Variants in FAM53A observed in about 807,000 individuals in gnomAD.
FAM53A encodes family with sequence similarity 53 member A, also known as protein FAM53A.
FAM53A carries 28 observed loss-of-function variants against 26.6 expected under a neutral mutation model. The ratio of observed to expected loss-of-function variants is 1.05; its 90% confidence interval spans 0.78 to 1.45. FAM53A has a LOEUF of 1.45. Ranked by LOEUF, FAM53A falls within the 40% of genes most tolerant of loss-of-function variation. The pLI, the probability that FAM53A is intolerant of heterozygous loss-of-function variation, is 0.00. For missense variants in FAM53A, 650 were observed against 575.8 expected (o/e 1.13, Z -1.32); for synonymous variants, 290 against 253.1 (o/e 1.15, Z -1.38).
chr4:1,599,318 G>A, the FAM53A span, among the ~76,000 whole-genome samples: 4 of 152,076 alleles, frequency 2.6e-5, no homozygotes, highest in East Asian at 1.9e-4. The surrounding 1 kb of genome is among the most constrained non-coding windows in gnomAD (Gnocchi z 6.1). Context: ...CAACAACTCC[G>A]CCCGGTACTT....
chr4:1,610,772 C>A, the FAM53A span, among the ~76,000 whole-genome samples: 5 of 152,110 alleles, frequency 3.3e-5, no homozygotes, highest in Non-Finnish European at 5.9e-5. Flanking sequence ...CACTGCACAG[C>A]CCCATGACAG....
chr4:1,620,121 C>T (rs1474509978), intron 1 of FAM53A, among the ~76,000 whole-genome samples: 6 of 151,428 alleles, frequency 4.0e-5, no homozygotes, highest in Non-Finnish European at 2.9e-5. Flanking sequence ...GCAGGAGAAT[C>T]GCTTAAACCT....
At chr4:1,625,109 G>A (rs1323646156) in intron 1 of FAM53A, among the ~76,000 whole-genome samples, 2 of 88,140 alleles carry the variant, frequency 2.3e-5, no homozygotes, top group African/African-American at 6.7e-5. Context: ...AAGCCCCCAC[G>A]TCCCGACCCA....
downstream of FAM53A, chr4:1,617,782 G>C: frequency 3.5e-6 from 1 of 289,654 alleles, no homozygotes; most frequent in South Asian, 3.0e-5. Context: ...CTTCTCACTG[G>C]GTATAGCATT....
intron 4 of FAM53A, among the ~76,000 whole-genome samples, chr4:1,646,446 G>A (rs908082781): frequency 4.6e-5 from 7 of 152,254 alleles, no homozygotes; most frequent in South Asian, 2.1e-4. Flanking sequence ...TGACGTCGTC[G>A]GGGGTATTTT....
At chr4:1,622,712 C>G (rs1175254920) in intron 1 of FAM53A, among the ~76,000 whole-genome samples, 1 of 152,198 alleles carries the variant, frequency 6.6e-6, no homozygotes, top group Non-Finnish European at 1.5e-5. Context: ...GGCTGTTTGG[C>G]TGGGCCCAGG....
chr4:1,624,990 C>T (rs1715219347), intron 1 of FAM53A, among the ~76,000 whole-genome samples: 1 of 137,472 alleles, frequency 7.3e-6, no homozygotes, highest in Non-Finnish European at 1.5e-5. Flanking sequence ...GGGGTCACAC[C>T]AGGTGATCAG....
intron 1 of FAM53A, among the ~76,000 whole-genome samples, chr4:1,634,750 A>T (rs1026830719): frequency 6.6e-6 from 1 of 151,684 alleles, no homozygotes; most frequent in Non-Finnish European, 1.5e-5. Flanking sequence ...ACACAAAAAA[A>T]TTAGCCAGGC....
chr4:1,661,394 C>A (rs537091224), intron 2 of FAM53A, among the ~76,000 whole-genome samples: 2 of 152,346 alleles, frequency 1.3e-5, no homozygotes, highest in East Asian at 1.9e-4. Flanking sequence ...CGCGACTCCT[C>A]AGTCACCTGC....
intron 4 of FAM53A, chr4:1,644,073 G>A (rs1712007410): frequency 1.4e-6 from 2 of 1,383,102 alleles, no homozygotes; most frequent in South Asian, 1.4e-5. Context: ...TCGGTCTGGT[G>A]TCACCCGTGA....
downstream of FAM53A, among the ~76,000 whole-genome samples, chr4:1,638,336 C>T (rs1398898937): frequency 1.3e-5 from 2 of 152,120 alleles, no homozygotes; most frequent in African/African-American, 4.8e-5. Flanking sequence ...CCCAAGGGTG[C>T]CCTGAACCTT....
chr4:1,642,719 C>A (rs545955235), intron 4 of FAM53A, among the ~76,000 whole-genome samples: 1 of 151,908 alleles, frequency 6.6e-6, no homozygotes. Context: ...CTGTGGTGCC[C>A]AGCGCCGTCC....
intron 3 of FAM53A, among the ~76,000 whole-genome samples, chr4:1,656,870 C>A (rs1447053300): frequency 6.6e-6 from 1 of 152,130 alleles, no homozygotes; most frequent in Non-Finnish European, 1.5e-5. Flanking sequence ...GCCCCTGGGA[C>A]CTTCGCTGGG....
chr4:1,619,250 C>G (rs938803426), intron 1 of FAM53A, among the ~76,000 whole-genome samples: 1 of 152,250 alleles, frequency 6.6e-6, no homozygotes, highest in African/African-American at 2.4e-5. Flanking sequence ...CACCTTGTGG[C>G]GAGCGGCCCC....
intron 3 of FAM53A, 67 bp from the exon 4 acceptor site, chr4:1,655,790 C>G: frequency 6.9e-7 from 1 of 1,444,288 alleles, no homozygotes; most frequent in Non-Finnish European, 9.1e-7. Flanking sequence ...GACATCCATC[C>G]CGGCAAACAG....
chr4:1,621,355 C>T (rs367679897), intron 1 of FAM53A, among the ~76,000 whole-genome samples: 7 of 152,276 alleles, frequency 4.6e-5, no homozygotes, highest in Non-Finnish European at 7.3e-5. Context: ...CCACCCGCCT[C>T]GGCCTCCCAA....
chr4:1,620,699 A>ACACCAC (rs60242901), intron 1 of FAM53A, among the ~76,000 whole-genome samples: 29 of 150,598 alleles, frequency 1.9e-4, no homozygotes, highest in South Asian at 1.5e-3. Flanking sequence ...GAAAGAAAAA[A>ACACCAC]CACCACCACC....
At chr4:1,650,891 C>T (rs13106747) in intron 4 of FAM53A, among the ~76,000 whole-genome samples, 1 of 151,754 alleles carries the variant, frequency 6.6e-6, no homozygotes. Context: ...GCTCACGCAT[C>T]TTCATTGCAG....
chr4:1,582,309 A>G, the FAM53A span, among the ~76,000 whole-genome samples: 1 of 152,346 alleles, frequency 6.6e-6, no homozygotes, highest in Admixed American at 6.5e-5. Flanking sequence ...GCTGCCTAGC[A>G]GGGCTGGACA....
Sources: gnomAD v4.1 joint callset for allele counts (sites outside exome capture counted in the v4.1 genomes callset) on GRCh38, gnomAD v4.1.1 for gene constraint, Gnocchi (gnomAD v3.1) non-coding constraint, MANE v1.5 for transcripts, NCBI Gene and HGNC (gene_info 2026-07-23, HGNC 2026-07-21) for gene names.